Variants in MGST1 observed in about 807,000 individuals in gnomAD.
MGST1 encodes glutathione S-transferase 12.
Under a neutral mutation model 8.9 loss-of-function variants are expected in MGST1, and 5 were observed. That is an observed-to-expected ratio of 0.56 (90% confidence interval 0.29 to 1.19). The LOEUF (loss-of-function observed/expected upper bound fraction) is 1.19, where lower values mean the gene tolerates loss of function less well. Ranked by LOEUF, MGST1 falls within the 50% of genes most tolerant of loss-of-function variation. The pLI is 0.08. For synonymous variants in MGST1, 54 were observed against 67.8 expected (o/e 0.80, Z 1.00); for missense variants, 182 against 187.4 (o/e 0.97, Z 0.17).
downstream of MGST1, among the ~76,000 whole-genome samples, chr12:16,380,452 T>G (rs943719428): frequency 1.3e-5 from 2 of 152,178 alleles, no homozygotes; most frequent in African/African-American, 4.8e-5. Context: ...TTGAGCGGTT[T>G]TGAGTGAGTT....
chr12:16,574,855 A>G (rs1216043988), intron 4 of MGST1, among the ~76,000 whole-genome samples: 1 of 152,168 alleles, frequency 6.6e-6, no homozygotes, highest in Non-Finnish European at 1.5e-5. Flanking sequence ...GGTAGCAGTG[A>G]CATGTCTAAG....
At position 16,401,220 on chromosome 12, in the gene MGST1, C is replaced by A; in HGVS notation, n.778+17616C>A. 1 of 1,567,974 alleles carries A rather than the reference C, an allele frequency of 6.4e-7. No homozygotes were observed. The highest frequency in any genetic ancestry group is 8.8e-7 in the Non-Finnish European group (1 of 1,140,422). On this transcript the variant is annotated intron_variant and non_coding_transcript_variant, in intron 1 of 1. Transcript: ENST00000359720. The surrounding 1 kb of genome is among the most constrained non-coding windows in gnomAD (Gnocchi z 4.3). ...CCATAAGCACTGTGTCACTAAGGAA[C>A]AGGGCATAGGTTTTCTCTTCTGGCT...
intron 1 of MGST1, among the ~76,000 whole-genome samples, chr12:16,434,442 TTGTG>T (rs34340683): frequency 2.7e-5 from 4 of 150,188 alleles, no homozygotes; most frequent in African/African-American, 4.9e-5. Context: ...TTTATTTCAG[TTGTG>T]TGTGTGTGTG....
chr12:16,393,203 C>A (rs1172278560), intron 1 of MGST1, among the ~76,000 whole-genome samples: 1 of 152,122 alleles, frequency 6.6e-6, no homozygotes, highest in East Asian at 1.9e-4. Flanking sequence ...AATAAGGGGG[C>A]CCTGATATTT....
chr12:16,536,053 A>G (rs1941754877), intron 4 of MGST1, among the ~76,000 whole-genome samples: 1 of 150,104 alleles, frequency 6.7e-6, no homozygotes. Context: ...CTAAAGCCTG[A>G]GTAGAATCTC....
Position 16,364,349 on chromosome 12 carries a change from T to A in MGST1, c.*308T>A, listed in dbSNP as rs1375312238. Reference sequence around the variant, plus strand: ...TTTGAATCTATAAAAGAATTGCACGTATGAGAAACCTATATTTCAATACTG... The same window carrying A: ...TTTGAATCTATAAAAGAATTGCACGAATGAGAAACCTATATTTCAATACTG... On this transcript the variant is annotated 3_prime_UTR_variant, in exon 4 of 4. Transcript: ENST00000396210. The surrounding 1 kb of genome is among the most constrained non-coding windows in gnomAD (Gnocchi z 5.7). 1.9e-6 allele frequency: 2 copies of A among 1,025,880 alleles called. No individual in the cohort carries two copies. Among genetic ancestry groups the A allele is most frequent in the African/African-American group, 3.4e-5 (2 of 59,066 alleles). The allele number at this position is 1,025,880 out of a possible 1,614,324, so 63.5% of individuals were successfully genotyped here. A position where few individuals can be genotyped will look rare whatever the true frequency, so the allele number is the denominator to read the frequency against.
chr12:16,450,614 C>T (rs1253630497), intron 4 of MGST1, among the ~76,000 whole-genome samples: 1 of 151,886 alleles, frequency 6.6e-6, no homozygotes, highest in Non-Finnish European at 1.5e-5. Flanking sequence ...ATTAATGAGA[C>T]AAGTTAAACC....
At chr12:16,519,063 C>A (rs114448440) in intron 4 of MGST1, among the ~76,000 whole-genome samples, 1,986 of 152,258 alleles carry the variant, frequency 0.013, 50 homozygotes, top group African/African-American at 0.046. Flanking sequence ...GTGGAAAGAG[C>A]TCAGGCTCTG....
Position 16,434,442 on chromosome 12 carries a change from T to TTGTGTGTG in MGST1, n.779-2932_779-2925dup, listed in dbSNP as rs34340683. 1.8e-4 allele frequency among the ~76,000 whole-genome samples: 27 copies of TTGTGTGTG among 150,302 alleles called. No individual in the cohort carries two copies. The East Asian group carries it at 3.7e-3, about 21-fold the overall frequency. On this transcript the variant is annotated intron_variant and non_coding_transcript_variant, in intron 1 of 1. Transcript: ENST00000359720. The stretch of plus-strand genomic sequence containing the variant: ...GTAATTCTCATTTATTTTATTTCAG[T>TTGTGTGTG]TGTGTGTGTGTGTGTGTGTGTTTCC...
intron 1 of MGST1, among the ~76,000 whole-genome samples, chr12:16,433,918 A>G (rs1222070590): frequency 6.6e-6 from 1 of 152,044 alleles, no homozygotes; most frequent in African/African-American, 2.4e-5. Context: ...TCAATTTTCC[A>G]TCTTATCAGA....
At chr12:16,507,122 T>C (rs191911845) in intron 4 of MGST1, among the ~76,000 whole-genome samples, 1 of 151,454 alleles carries the variant, frequency 6.6e-6, no homozygotes, top group Non-Finnish European at 1.5e-5. Context: ...TAAAAGAGAG[T>C]CTTCAAAGAT....
At chr12:16,411,825 A>G (rs1940745172) in intron 1 of MGST1, among the ~76,000 whole-genome samples, 2 of 152,258 alleles carry the variant, frequency 1.3e-5, no homozygotes, top group African/African-American at 4.8e-5. Flanking sequence ...AAGAACATAG[A>G]CTTGAGAATC....
downstream of MGST1, among the ~76,000 whole-genome samples, chr12:16,365,676 G>T (rs1357772944): frequency 1.3e-5 from 2 of 152,220 alleles, no homozygotes; most frequent in Non-Finnish European, 2.9e-5. Context: ...AAGACCACGA[G>T]CTCAGGAGGG....
chr12:16,542,214 T>C (rs1019572872), intron 4 of MGST1, among the ~76,000 whole-genome samples: 6 of 152,150 alleles, frequency 3.9e-5, no homozygotes, highest in Admixed American at 3.3e-4. Context: ...TGGCTATTCC[T>C]GGATGCAAGA....
Position 16,584,569 on chromosome 12 carries a change from T to C in MGST1, n.483-4959T>C, listed in dbSNP as rs1451494176. On this transcript the variant is annotated intron_variant and non_coding_transcript_variant, in intron 4 of 4. Coordinates refer to the MGST1 transcript ENST00000538857. This position sits in a 1 kb window ranked among gnomAD's most constrained non-coding sequence, Gnocchi z 5.2. Reference sequence around the variant, plus strand: ...AAACAAGAGACGTTTTAGATTAACATTGGCAAGTGGAGGAGTGGGGGGGGT... The same window carrying C: ...AAACAAGAGACGTTTTAGATTAACACTGGCAAGTGGAGGAGTGGGGGGGGT... Among the ~76,000 whole-genome samples, 6 of 151,530 alleles carry C rather than the reference T, an allele frequency of 4.0e-5. No individual in the cohort carries two copies. Among genetic ancestry groups the C allele is most frequent in the African/African-American group, 7.3e-5 (3 of 40,936 alleles).
intron 1 of MGST1, among the ~76,000 whole-genome samples, chr12:16,390,619 G>T (rs1940542920): frequency 6.6e-6 from 1 of 152,012 alleles, no homozygotes; most frequent in Non-Finnish European, 1.5e-5. Context: ...TCCAATAAAA[G>T]ACACAATCTT....
At chr12:16,465,983 T>C (rs919989917) in intron 4 of MGST1, among the ~76,000 whole-genome samples, 4 of 152,216 alleles carry the variant, frequency 2.6e-5, no homozygotes, top group African/African-American at 4.8e-5. Flanking sequence ...AGTTAATATA[T>C]AGCTAATAAC....
At chr12:16,400,851 C>G (rs878983416) in intron 1 of MGST1, 1 of 1,190,468 alleles carries the variant, frequency 8.4e-7, no homozygotes, top group South Asian at 1.2e-5. Context: ...TTCATTTCCC[C>G]AATATGTGGT....
chr12:16,409,088 C>A (rs1940719355), intron 1 of MGST1, among the ~76,000 whole-genome samples: 1 of 151,862 alleles, frequency 6.6e-6, no homozygotes, highest in Non-Finnish European at 1.5e-5. Flanking sequence ...TATTGTGTAG[C>A]CTGTGTTTGT....
Sources: gnomAD v4.1 joint callset for allele counts (sites outside exome capture counted in the v4.1 genomes callset) on GRCh38, gnomAD v4.1.1 for gene constraint, Gnocchi (gnomAD v3.1) non-coding constraint, MANE v1.5 for transcripts, NCBI Gene and HGNC (gene_info 2026-07-23, HGNC 2026-07-21) for gene names.